PTPRM: variants seen among roughly 807,000 people sequenced by gnomAD.
PTPRM encodes receptor-type tyrosine-protein phosphatase mu.
Under a neutral mutation model 186.7 loss-of-function variants are expected in PTPRM, and 47 were observed. The ratio of observed to expected loss-of-function variants is 0.25; its 90% confidence interval spans 0.20 to 0.32. The LOEUF (loss-of-function observed/expected upper bound fraction) is 0.32. Ranked by LOEUF, PTPRM falls within the 10% of genes least tolerant of loss-of-function variation. The probability of loss-of-function intolerance (pLI) is 1.00; values close to 1 mark genes in which losing one functional copy is unlikely to be tolerated. For synonymous variants in PTPRM, 668 were observed against 674.9 expected (o/e 0.99, Z 0.16); for missense variants, 1,494 against 1,865.0 (o/e 0.80, Z 3.66).
chr18:7,915,593 A>G (rs2050509846), intron 4 of PTPRM, among the ~76,000 whole-genome samples: 1 of 152,192 alleles, frequency 6.6e-6, no homozygotes, highest in South Asian at 2.1e-4. Flanking sequence ...GGCACAGAGA[A>G]CACCTTGGCT....
chr18:8,010,125 G>A (rs2084434220), intron 7 of PTPRM, among the ~76,000 whole-genome samples: 1 of 152,168 alleles, frequency 6.6e-6, no homozygotes, highest in Admixed American at 6.5e-5. Flanking sequence ...TAGTATTTGT[G>A]ATTTCTGTAA....
chr18:7,634,203 G>T (rs147664291), intron 1 of PTPRM, among the ~76,000 whole-genome samples: 4 of 151,910 alleles, frequency 2.6e-5, no homozygotes, highest in Non-Finnish European at 4.4e-5. Context: ...TGTATCCTCC[G>T]TGAGAATGTT....
intron 20 of PTPRM, among the ~76,000 whole-genome samples, chr18:8,309,751 C>G (rs1601745501): frequency 6.6e-6 from 1 of 152,206 alleles, no homozygotes; most frequent in African/African-American, 2.4e-5. Context: ...CCAGGCTGGT[C>G]TTGAACTCCT....
intron 1 of PTPRM, among the ~76,000 whole-genome samples, chr18:7,575,409 C>T (rs1299228636): frequency 1.3e-5 from 2 of 152,152 alleles, no homozygotes; most frequent in African/African-American, 2.4e-5. Flanking sequence ...GACTTTCATC[C>T]GCTTACGTGT....
chr18:7,908,746 A>G (rs932976495), intron 4 of PTPRM, among the ~76,000 whole-genome samples: 1 of 152,210 alleles, frequency 6.6e-6, no homozygotes, highest in Non-Finnish European at 1.5e-5. Flanking sequence ...TCATGAAAAG[A>G]CTGGAAAACC....
At chr18:7,658,604 G>A (rs770363734) in intron 1 of PTPRM, among the ~76,000 whole-genome samples, 3 of 152,024 alleles carry the variant, frequency 2.0e-5, no homozygotes, top group Admixed American at 1.3e-4. Context: ...ATTCAAGGAT[G>A]GAAGGTTGGC....
chr18:8,038,378 A>C (rs1600200296), intron 7 of PTPRM, among the ~76,000 whole-genome samples: 1 of 128,550 alleles, frequency 7.8e-6, no homozygotes, highest in African/African-American at 2.8e-5. Context: ...ATTAGCTTTT[A>C]GATTTTTTTT....
At chr18:8,118,654 G>C (rs566928856) in intron 13 of PTPRM, among the ~76,000 whole-genome samples, 2 of 151,960 alleles carry the variant, frequency 1.3e-5, no homozygotes, top group Non-Finnish European at 2.9e-5. Context: ...ACAAAAATTA[G>C]CCGGGCGCAG....
At chr18:8,302,583 A>G (rs919273632) in intron 20 of PTPRM, among the ~76,000 whole-genome samples, 1 of 152,198 alleles carries the variant, frequency 6.6e-6, no homozygotes, top group Admixed American at 6.5e-5. Flanking sequence ...AGGAATTTCC[A>G]GTAGCCCGAG....
chr18:7,817,017 C>T (rs372721305), intron 2 of PTPRM, among the ~76,000 whole-genome samples: 11 of 150,872 alleles, frequency 7.3e-5, no homozygotes, highest in African/African-American at 2.5e-4. Flanking sequence ...CTCTGGCGCC[C>T]AGGCTGGAGG....
chr18:7,768,757 C>T (rs1431576059), intron 1 of PTPRM, among the ~76,000 whole-genome samples: 1 of 151,688 alleles, frequency 6.6e-6, no homozygotes, highest in Non-Finnish European at 1.5e-5. Flanking sequence ...AGTGATTCTC[C>T]TGCCTCAGCC....
chr18:8,369,287 G>C (rs1052267098), intron 23 of PTPRM, among the ~76,000 whole-genome samples: 2 of 152,226 alleles, frequency 1.3e-5, no homozygotes, highest in Non-Finnish European at 2.9e-5. Flanking sequence ...TTTAGTTTCA[G>C]AAAGTAGTTA....
At chr18:8,052,366 C>G (rs11876715) in intron 7 of PTPRM, among the ~76,000 whole-genome samples, 11,412 of 152,102 alleles carry the variant, frequency 0.075, 548 homozygotes, top group Non-Finnish European at 0.1. Context: ...CACTGTGGTC[C>G]CATATGATTA....
intron 5 of PTPRM, among the ~76,000 whole-genome samples, chr18:7,933,930 A>G (rs951276649): frequency 6.6e-6 from 1 of 152,210 alleles, no homozygotes; most frequent in African/African-American, 2.4e-5. Flanking sequence ...TTAGAAGCAA[A>G]TATGGTCAAT....
chr18:8,355,885 C>G (rs561094602), intron 23 of PTPRM, among the ~76,000 whole-genome samples: 7 of 152,176 alleles, frequency 4.6e-5, no homozygotes, highest in Non-Finnish European at 1.0e-4. Flanking sequence ...AGTCAAGGCG[C>G]TGATGCTAAG....
At chr18:8,276,580 G>C (rs963665758) in intron 19 of PTPRM, among the ~76,000 whole-genome samples, 15 of 152,144 alleles carry the variant, frequency 9.9e-5, no homozygotes, top group African/African-American at 3.4e-4. Context: ...TTCCATGTGT[G>C]ATCTCATTTA....
intron 13 of PTPRM, among the ~76,000 whole-genome samples, chr18:8,141,047 T>C (rs1041714941): frequency 6.6e-6 from 1 of 152,174 alleles, no homozygotes; most frequent in Admixed American, 6.5e-5. Context: ...GAACCACATG[T>C]TCCCAAAGCA....
chr18:7,743,991 A>G (rs679539), intron 1 of PTPRM, among the ~76,000 whole-genome samples: 103,321 of 152,016 alleles, frequency 0.68, 37,411 homozygotes, highest in East Asian at 0.99. Flanking sequence ...AGATTTTTCC[A>G]CAATTAGTGG....
intron 14 of PTPRM, among the ~76,000 whole-genome samples, chr18:8,240,497 G>GGA (rs1275381318): frequency 7.8e-4 from 56 of 71,532 alleles, no homozygotes; most frequent in African/African-American, 3.5e-3. Flanking sequence ...GAGAGAGAGA[G>GGA]AGAGGAAGGA....
Sources: allele counts gnomAD v4.1 joint callset (sites outside exome capture counted in the v4.1 genomes callset), GRCh38; gene constraint gnomAD v4.1.1; transcripts MANE v1.5; gene names NCBI Gene and HGNC (gene_info 2026-07-23, HGNC 2026-07-21).